Variants in PLAC8L1 observed in about 807,000 individuals in gnomAD.
The protein encoded by PLAC8L1 is PLAC8-like protein 1.
PLAC8L1 carries 13 observed loss-of-function variants against 16.3 expected under a neutral mutation model. The ratio of observed to expected loss-of-function variants is 0.80; its 90% CI spans 0.52 to 1.27. The LOEUF (loss-of-function observed/expected upper bound fraction) is 1.27. Ranked by LOEUF, PLAC8L1 falls within the 50% of genes most tolerant of loss-of-function variation. PLAC8L1 has a pLI of 0.00. For missense variants in PLAC8L1, 184 were observed against 220.2 expected (o/e 0.84, Z 1.04); for synonymous variants, 78 against 79.3 (o/e 0.98, Z 0.09).
chr5:146,099,328 T>C (rs1285117468), intron 1 of PLAC8L1: 1 of 152,172 alleles, frequency 6.6e-6, no homozygotes, highest in Non-Finnish European at 1.5e-5. Flanking sequence ...GCCTGCCTCA[T>C]AGTTGAGACA....
intron 3 of PLAC8L1, 110 bp downstream of exon 3, chr5:146,085,351 A>G: frequency 8.3e-7 from 1 of 1,201,480 alleles, no homozygotes; most frequent in Non-Finnish European, 1.2e-6. Context: ...TAAGCATGGT[A>G]TGTTTCAACA....
At chr5:146,092,058 C>G (rs1763629362) in intron 2 of PLAC8L1, among the ~76,000 whole-genome samples, 1 of 152,090 alleles carries the variant, frequency 6.6e-6, no homozygotes, top group Non-Finnish European at 1.5e-5. Flanking sequence ...GAATGTTGCT[C>G]ATTATTCATC....
chr5:146,095,054 A>C (rs1438022835), intron 2 of PLAC8L1, among the ~76,000 whole-genome samples: 3 of 152,164 alleles, frequency 2.0e-5, no homozygotes. Flanking sequence ...GAAATCCAAG[A>C]CTCATAGCAC....
At chr5:146,089,882 G>A (rs1288615901) in intron 2 of PLAC8L1, among the ~76,000 whole-genome samples, 1 of 151,636 alleles carries the variant, frequency 6.6e-6, no homozygotes, top group Non-Finnish European at 1.5e-5. Flanking sequence ...GGGAATACAT[G>A]TGCCTGCCAC....
At chr5:146,089,323 A>C (rs1252606328) in intron 2 of PLAC8L1, among the ~76,000 whole-genome samples, 1 of 152,228 alleles carries the variant, frequency 6.6e-6, no homozygotes, top group African/African-American at 2.4e-5. Flanking sequence ...TGATTTTTAA[A>C]AAACACTATG....
intron 2 of PLAC8L1, among the ~76,000 whole-genome samples, chr5:146,091,154 A>G (rs1561783210): frequency 2.0e-5 from 3 of 152,216 alleles, no homozygotes; most frequent in Admixed American, 6.5e-5. Context: ...CCACTTTGGA[A>G]GTCAATTTTG....
intron 2 of PLAC8L1, among the ~76,000 whole-genome samples, chr5:146,091,983 T>G (rs547188445): frequency 7.6e-4 from 115 of 152,290 alleles, no homozygotes; most frequent in African/African-American, 2.6e-3. Context: ...CTGGTGGTTA[T>G]GTAAGCACGC....
chr5:146,097,152 A>T (rs1763731377), intron 2 of PLAC8L1, among the ~76,000 whole-genome samples: 1 of 152,226 alleles, frequency 6.6e-6, no homozygotes, highest in African/African-American at 2.4e-5. Context: ...CTAGGGCAAG[A>T]CCATCAGGTC....
chr5:146,098,403 G>C, intron 1 of PLAC8L1, 111 bp from the exon 2 acceptor site: 1 of 1,053,534 alleles, frequency 9.5e-7, no homozygotes, highest in African/African-American at 1.6e-5. Context: ...GATGCCAAGG[G>C]GCTCATAGCC....
Position 146,084,474 on chromosome 5 carries a change from A to G in PLAC8L1, c.492T>C (p.Tyr164=). ...TAGTCATTGGGACTGCACAGATTTC[A>G]TAGACTTGGGAGGTCCTCATCTTGA... ...RELKMRTSQV[Y]EICAVPMTKD... Residue 164 remains tyrosine (Y), a synonymous_variant, in exon 4 of 4, where the codon TAT becomes TAC. Transcript: ENST00000311450. 1 of 1,614,074 alleles carries G rather than the reference A, an allele frequency of 6.2e-7. No individual in the cohort carries two copies. The highest frequency in any genetic ancestry group is 8.5e-7 in the Non-Finnish European group (1 of 1,179,916).
rs963833467 is a variant in PLAC8L1 at position 146,098,124 on chromosome 5, A to G, written c.256+32T>C. The G allele has an allele frequency of 1.1e-5, 18 of 1,589,264 alleles. No individual in the cohort carries two copies. In the African/African-American group the frequency reaches 1.7e-4, roughly 15 times the overall value. On this transcript the variant is annotated intron_variant, in intron 2 of 3. Coordinates refer to ENST00000311450, the MANE Select transcript of PLAC8L1 (RefSeq NM_001029869.3). ...TGATGTCCTGGAAAAGAAAATAGTA[A>G]GGAGGAACTTAAATAAGGAGGAAAA... is the stretch of plus-strand genomic sequence containing the variant.
chr5:146,097,235 C>T (rs1436818070), intron 2 of PLAC8L1, among the ~76,000 whole-genome samples: 1 of 152,162 alleles, frequency 6.6e-6, no homozygotes, highest in Non-Finnish European at 1.5e-5. Flanking sequence ...AATCAATGAG[C>T]TTTGAACTCT....
intron 1 of PLAC8L1, among the ~76,000 whole-genome samples, chr5:146,102,912 C>T (rs1343710593): frequency 6.6e-6 from 1 of 152,114 alleles, no homozygotes; most frequent in Non-Finnish European, 1.5e-5. Context: ...TGCATGAAGT[C>T]GATGGCCACT....
At chr5:146,103,541 G>A in intron 1 of PLAC8L1, 1 of 582,942 alleles carries the variant, frequency 1.7e-6, no homozygotes, top group Non-Finnish European at 2.2e-6. Flanking sequence ...GTTTTCCCAG[G>A]ATAGGGAAGT....
intron 2 of PLAC8L1, among the ~76,000 whole-genome samples, chr5:146,088,264 G>C (rs1763556158): frequency 1.3e-5 from 2 of 152,188 alleles, no homozygotes; most frequent in African/African-American, 4.8e-5. Flanking sequence ...TTCTGGCCAA[G>C]AGTTCTGATT....
At chr5:146,087,378 G>A (rs1763534935) in intron 2 of PLAC8L1, among the ~76,000 whole-genome samples, 1 of 152,166 alleles carries the variant, frequency 6.6e-6, no homozygotes, top group Admixed American at 6.5e-5. Context: ...CATTTGGATG[G>A]ATACCTGGAA....
At chr5:146,085,730 A>G in intron 2 of PLAC8L1, 133 bp from the exon 3 acceptor site, 2 of 1,019,538 alleles carry the variant, frequency 2.0e-6, no homozygotes, top group South Asian at 5.6e-5. Flanking sequence ...CTGAGAATAA[A>G]TAACCAATTC....
chr5:146,085,512 AG>A lies in PLAC8L1; in HGVS notation c.341del (p.Pro114LeufsTer7). ...CAATTCTCAGTGCAAAGGTGGACCC[AG>A]GTAACAACGGCCAACAAAGACACTC... ...YGECLCWPLL[P>X]GSTFALRIGT... On this transcript the variant is annotated frameshift_variant, in exon 3 of 4. Transcript: ENST00000311450. LOFTEE classifies it high-confidence loss of function. 1.9e-6 allele frequency: 3 copies of A among 1,614,212 alleles called. No homozygotes were observed. Among genetic ancestry groups the A allele is most frequent in the Non-Finnish European group, 2.5e-6 (3 of 1,180,044 alleles).
intron 2 of PLAC8L1, among the ~76,000 whole-genome samples, chr5:146,096,523 G>A (rs1490791508): frequency 6.6e-6 from 1 of 152,090 alleles, no homozygotes; most frequent in Non-Finnish European, 1.5e-5. Context: ...TCATTTTAGA[G>A]GTGGAAAAAT....
Sources: gnomAD v4.1 joint callset for allele counts (sites outside exome capture counted in the v4.1 genomes callset) on GRCh38, gnomAD v4.1.1 for gene constraint, MANE v1.5 for transcripts, NCBI Gene and HGNC (gene_info 2026-07-23, HGNC 2026-07-21) for gene names.